Variants in TMEM132D observed in about 807,000 individuals in gnomAD.
The protein encoded by TMEM132D is mature OL transmembrane protein.
TMEM132D carries 21 observed loss-of-function variants against 62.3 expected under a neutral mutation model. That is an observed-to-expected ratio of 0.34 (90% confidence interval 0.24 to 0.49). The LOEUF is 0.49. Ranked by LOEUF, TMEM132D falls within the 20% of genes least tolerant of loss-of-function variation. The pLI, the probability that TMEM132D is intolerant of heterozygous loss-of-function variation, is 0.99. For synonymous variants in TMEM132D, 621 were observed against 575.6 expected, an observed-to-expected ratio of 1.08 and a Z score of -1.13; for missense variants, 1,346 against 1,402.8, an observed-to-expected ratio of 0.96 and a Z score of 0.65.
rs1219410848 is a variant in TMEM132D, at chr12:129,885,567, C to G, written c.79+17694G>C. Reference sequence around the variant, plus strand: ...TCTAGAAATGATTCTAATGTGTACCCAAGGCTGAGAACCACTCGTGTAAAA... The same window carrying G: ...TCTAGAAATGATTCTAATGTGTACCGAAGGCTGAGAACCACTCGTGTAAAA... On this transcript the variant is annotated intron_variant, in intron 1 of 8. Transcript: ENST00000422113. Among the ~76,000 whole-genome samples, 3 of 152,164 alleles carry G rather than the reference C, an allele frequency of 2.0e-5. No homozygotes were observed. The East Asian group carries it at 5.8e-4, about 29-fold the overall frequency.
chr12:129,449,534 C>T (rs1436065482), intron 3 of TMEM132D, among the ~76,000 whole-genome samples: 1 of 152,164 alleles, frequency 6.6e-6, no homozygotes, highest in Non-Finnish European at 1.5e-5. Flanking sequence ...TCTCCTTGGT[C>T]AGGCTAGACA....
intron 5 of TMEM132D, among the ~76,000 whole-genome samples, chr12:129,185,773 G>GTCTGTCTGTCTGTCTA (rs796145548): frequency 0.041 from 5,509 of 135,872 alleles, 113 homozygotes; most frequent in Admixed American, 0.064. Context: ...CTGTCTGTCT[G>GTCTGTCTGTCTGTCTA]TCTATCTATC....
chr12:129,763,943 C>T (rs2398491), intron 1 of TMEM132D, among the ~76,000 whole-genome samples: 144,144 of 152,280 alleles, frequency 0.95, 68,502 homozygotes, highest in Non-Finnish European at 1. Context: ...ACCAAGGATA[C>T]GCAGAGCCTC....
At chr12:129,571,250 C>T (rs979796001) in intron 2 of TMEM132D, among the ~76,000 whole-genome samples, 1 of 152,110 alleles carries the variant, frequency 6.6e-6, no homozygotes, top group African/African-American at 2.4e-5. Context: ...TTGCAGGCTA[C>T]TCTTTATTGT....
chr12:129,135,087 G>C (rs968243601), intron 5 of TMEM132D, among the ~76,000 whole-genome samples: 2 of 152,202 alleles, frequency 1.3e-5, no homozygotes, highest in African/African-American at 4.8e-5. Context: ...ATATGGAAAA[G>C]TCTGTTGAAT....
chr12:129,263,809 G>A (rs140697465), intron 4 of TMEM132D, among the ~76,000 whole-genome samples: 1 of 152,006 alleles, frequency 6.6e-6, no homozygotes, highest in Non-Finnish European at 1.5e-5. Flanking sequence ...CTGCAGTCAG[G>A]GTTCTTCAGA....
chr12:129,293,558 A>G (rs778292672), intron 4 of TMEM132D, among the ~76,000 whole-genome samples: 15 of 152,182 alleles, frequency 9.9e-5, no homozygotes, highest in Non-Finnish European at 1.5e-4. Context: ...AAATAATTAT[A>G]CAATTCACCA....
chr12:129,742,049 T>C (rs1479857825), intron 1 of TMEM132D, among the ~76,000 whole-genome samples: 2 of 152,140 alleles, frequency 1.3e-5, no homozygotes, highest in Non-Finnish European at 2.9e-5. Flanking sequence ...AGTAAGAGAA[T>C]GTTAAGTGAT....
intron 2 of TMEM132D, among the ~76,000 whole-genome samples, chr12:129,565,404 T>C (rs866747949): frequency 2.0e-5 from 3 of 152,242 alleles, no homozygotes; most frequent in African/African-American, 7.2e-5. Context: ...GTCATGTTGA[T>C]ATCTTATTGC....
chr12:129,239,443 TGACACC>T (rs1022868993), intron 4 of TMEM132D, among the ~76,000 whole-genome samples: 2 of 152,230 alleles, frequency 1.3e-5, no homozygotes, highest in African/African-American at 2.4e-5. Flanking sequence ...ACAGTTCTTC[TGACACC>T]ATTTGTTGAT....
intron 2 of TMEM132D, among the ~76,000 whole-genome samples, chr12:129,623,660 TATAC>T (rs1879131231): frequency 6.9e-6 from 1 of 144,330 alleles, no homozygotes; most frequent in Non-Finnish European, 1.5e-5. Context: ...TGTATATATA[TATAC>T]ATATATATAC....
chr12:129,169,633 T>C (rs1012350714), intron 5 of TMEM132D, among the ~76,000 whole-genome samples: 1 of 152,222 alleles, frequency 6.6e-6, no homozygotes, highest in Non-Finnish European at 1.5e-5. Context: ...GACAAGCTAC[T>C]TCATCGATTT....
At chr12:129,328,529 G>A (rs1002662264) in intron 4 of TMEM132D, among the ~76,000 whole-genome samples, 10 of 152,234 alleles carry the variant, frequency 6.6e-5, no homozygotes, top group East Asian at 3.9e-4. Flanking sequence ...AGCCGACACC[G>A]CCATCTCATT....
intron 3 of TMEM132D, among the ~76,000 whole-genome samples, chr12:129,357,352 G>A (rs1302457030): frequency 1.4e-5 from 2 of 146,084 alleles, no homozygotes; most frequent in African/African-American, 5.1e-5. Context: ...GAAAGAAAGC[G>A]AGCAAGCAAG....
At chr12:129,673,232 T>A (rs1880542964) in intron 2 of TMEM132D, among the ~76,000 whole-genome samples, 1 of 149,844 alleles carries the variant, frequency 6.7e-6, no homozygotes, top group Non-Finnish European at 1.5e-5. Flanking sequence ...TTCCAGAAAG[T>A]CTCATAAATG....
In TMEM132D at chr12:129,447,753, C is replaced by T. The variant is rs530228154; in HGVS notation, c.1115+83306G>A. ...CTACATATGCAATAAAATAAATGCA[C>T]GGTCCTTCCGCAAACCAGAGTGTGT... On this transcript the variant is annotated intron_variant, in intron 3 of 8. Coordinates refer to ENST00000422113, the MANE Select transcript of TMEM132D (RefSeq NM_133448.3). Among the ~76,000 whole-genome samples the T allele has an allele frequency of 2.0e-5, 3 of 152,272 alleles. No homozygotes were observed. In the South Asian group the frequency reaches 6.2e-4, roughly 32 times the overall value.
At chr12:129,503,998 GTCA>G (rs10622725) in intron 3 of TMEM132D, among the ~76,000 whole-genome samples, 2 of 150,690 alleles carry the variant, frequency 1.3e-5, no homozygotes, top group African/African-American at 2.4e-5. Context: ...CATCATTATT[GTCA>G]TCATTACTGT....
chr12:129,465,428 T>C (rs1411206269), intron 3 of TMEM132D, among the ~76,000 whole-genome samples: 1 of 152,104 alleles, frequency 6.6e-6, no homozygotes, highest in Non-Finnish European at 1.5e-5. Flanking sequence ...TTCAACATAG[T>C]GTTGGAAGTT....
At chr12:129,100,378 C>A (rs140183381) in intron 5 of TMEM132D, among the ~76,000 whole-genome samples, 1 of 152,284 alleles carries the variant, frequency 6.6e-6, no homozygotes, top group East Asian at 1.9e-4. Context: ...AAGGTGACCC[C>A]AGCAAGTTGC....
Sources: gnomAD v4.1 joint callset for allele counts (sites outside exome capture counted in the v4.1 genomes callset) on GRCh38, gnomAD v4.1.1 for gene constraint, MANE v1.5 for transcripts, NCBI Gene and HGNC (gene_info 2026-07-23, HGNC 2026-07-21) for gene names.